ERC2: variants seen among roughly 807,000 people sequenced by gnomAD.
ERC2 encodes the protein ERC protein 2.
ERC2 carries 42 observed loss-of-function variants against 114.8 expected under a neutral mutation model. The ratio of observed to expected loss-of-function variants is 0.37; its 90% CI spans 0.29 to 0.47. ERC2 has a LOEUF of 0.47. ERC2 is among the 20% of genes least tolerant of loss of function. The pLI, the probability that ERC2 is intolerant of heterozygous loss-of-function variation, is 0.99. For missense variants in ERC2, 939 were observed against 1,150.7 expected, an observed-to-expected ratio of 0.82 and a Z score of 2.66; for synonymous variants, 454 against 425.5, an observed-to-expected ratio of 1.07 and a Z score of -0.82.
chr3:55,562,257 A>T (rs1384096815), intron 17 of ERC2, among the ~76,000 whole-genome samples: 2 of 151,966 alleles, frequency 1.3e-5, no homozygotes, highest in East Asian at 3.9e-4. Flanking sequence ...GGTTCAAGCG[A>T]TTCTCTTGCC....
intron 17 of ERC2, among the ~76,000 whole-genome samples, chr3:55,645,795 T>C (rs1375800147): frequency 2.0e-5 from 3 of 152,184 alleles, no homozygotes; most frequent in Non-Finnish European, 2.9e-5. Context: ...GCTTTCCTGC[T>C]ACCTTTTAAC....
At chr3:56,374,506 G>A (rs1305145497) in intron 2 of ERC2, among the ~76,000 whole-genome samples, 2 of 152,168 alleles carry the variant, frequency 1.3e-5, no homozygotes, top group African/African-American at 4.8e-5. Context: ...TGTGTGAAAT[G>A]CTTTGAGTAT....
intron 6 of ERC2, among the ~76,000 whole-genome samples, chr3:56,116,387 C>T (rs2079235719): frequency 6.6e-6 from 1 of 152,092 alleles, no homozygotes; most frequent in African/African-American, 2.4e-5. Context: ...TCAAACTTGT[C>T]CCCCAGGTAA....
intron 14 of ERC2, among the ~76,000 whole-genome samples, chr3:55,873,381 T>G (rs1234976314): frequency 6.6e-6 from 1 of 152,208 alleles, no homozygotes; most frequent in African/African-American, 2.4e-5. Context: ...ACTTAACCTC[T>G]CTGAGCCTCT....
intron 12 of ERC2, among the ~76,000 whole-genome samples, chr3:55,957,451 A>G (rs2068036600): frequency 6.6e-6 from 1 of 152,194 alleles, no homozygotes; most frequent in South Asian, 2.1e-4. Context: ...GCACACAGTG[A>G]GTGCTTTATA....
At chr3:56,159,119 C>A (rs900813973) in intron 4 of ERC2, among the ~76,000 whole-genome samples, 9 of 152,100 alleles carry the variant, frequency 5.9e-5, no homozygotes, top group Non-Finnish European at 1.3e-4. Context: ...TGCTTTTACT[C>A]TGGCCATCTG....
chr3:55,543,719 G>A (rs952629945), intron 17 of ERC2, among the ~76,000 whole-genome samples: 9 of 152,250 alleles, frequency 5.9e-5, no homozygotes, highest in African/African-American at 2.2e-4. Context: ...AGGAGGGTCA[G>A]GAGCTGGGGC....
intron 15 of ERC2, among the ~76,000 whole-genome samples, chr3:55,704,104 A>C (rs926705791): frequency 2.0e-5 from 3 of 152,224 alleles, no homozygotes; most frequent in Non-Finnish European, 2.9e-5. Flanking sequence ...TTTATCCATT[A>C]ACTAAAATAT....
At chr3:56,281,919 G>A (rs1028026539) in intron 3 of ERC2, among the ~76,000 whole-genome samples, 1 of 152,218 alleles carries the variant, frequency 6.6e-6, no homozygotes, top group Non-Finnish European at 1.5e-5. Flanking sequence ...ATCCTGAGGA[G>A]AGAAGTCAAT....
chr3:55,741,936 G>T (rs963401787), intron 14 of ERC2, among the ~76,000 whole-genome samples: 3 of 152,024 alleles, frequency 2.0e-5, no homozygotes, highest in Non-Finnish European at 4.4e-5. Context: ...GAGGAAAAAA[G>T]GGGGAAATTC....
At chr3:56,285,011 T>TCA (rs1224717422) in intron 3 of ERC2, among the ~76,000 whole-genome samples, 229 of 95,724 alleles carry the variant, frequency 2.4e-3, no homozygotes, top group African/African-American at 6.6e-3. Flanking sequence ...TCTCTCTCTC[T>TCA]CACACACACA....
intron 13 of ERC2, among the ~76,000 whole-genome samples, chr3:55,900,724 T>C (rs1240242067): frequency 6.6e-6 from 1 of 152,124 alleles, no homozygotes; most frequent in Non-Finnish European, 1.5e-5. Flanking sequence ...AAAGCACCCT[T>C]GCATCCTCCA....
At chr3:56,128,166 T>A (rs1481512187) in intron 6 of ERC2, among the ~76,000 whole-genome samples, 1 of 152,230 alleles carries the variant, frequency 6.6e-6, no homozygotes, top group East Asian at 1.9e-4. Flanking sequence ...ATTAGGTACT[T>A]CCATGCACTT....
chr3:56,158,019 G>A (rs1305904336), intron 4 of ERC2, among the ~76,000 whole-genome samples: 1 of 152,212 alleles, frequency 6.6e-6, no homozygotes, highest in African/African-American at 2.4e-5. Context: ...AGAGGGCAGG[G>A]ACTGCTGGCC....
At position 55,544,152 on chromosome 3, in the gene ERC2, G is replaced by A. The variant is rs115371601; in HGVS notation, c.*40-32876C>T. ...AGATACCTCTGGGCCTGTCTGGGAC[G>A]CTCCCTATTCCCCTCTTCAAGCACC... On this transcript the variant is annotated intron_variant, in intron 17 of 17. Transcript: ENST00000288221. 4.5e-3 allele frequency among the ~76,000 whole-genome samples: 691 copies of A among 152,250 alleles called. 9 individuals are homozygous for A. The highest frequency in any genetic ancestry group is 0.016 in the African/African-American group (673 of 41,544).
intron 17 of ERC2, among the ~76,000 whole-genome samples, chr3:55,567,515 T>G (rs1201806240): frequency 6.6e-6 from 1 of 152,180 alleles, no homozygotes; most frequent in Non-Finnish European, 1.5e-5. Context: ...TTTCAAAAAC[T>G]GGTCCTTCTG....
At chr3:56,371,333 C>A (rs2059355952) in intron 2 of ERC2, among the ~76,000 whole-genome samples, 1 of 152,182 alleles carries the variant, frequency 6.6e-6, no homozygotes, top group African/African-American at 2.4e-5. Context: ...AAATACTGCA[C>A]TTTTAATTAG....
intron 17 of ERC2, among the ~76,000 whole-genome samples, chr3:55,539,662 C>T (rs1379492602): frequency 6.6e-6 from 1 of 151,344 alleles, no homozygotes; most frequent in African/African-American, 2.4e-5. Flanking sequence ...CTCCTGACCT[C>T]GTGATCTGCC....
intron 2 of ERC2, among the ~76,000 whole-genome samples, chr3:56,430,238 A>G (rs2061735675): frequency 6.6e-6 from 1 of 152,230 alleles, no homozygotes; most frequent in Admixed American, 6.5e-5. Context: ...CCACAATCAA[A>G]TGTCCCTTAT....
Sources: allele counts gnomAD v4.1 joint callset (sites outside exome capture counted in the v4.1 genomes callset), GRCh38; gene constraint gnomAD v4.1.1; transcripts MANE v1.5; gene names NCBI Gene and HGNC (gene_info 2026-07-23, HGNC 2026-07-21).